The following RELN variants were observed in gnomAD, a reference collection of about 807,000 sequenced individuals.
The protein encoded by RELN is reelin.
A neutral mutation model predicts 427.6 loss-of-function variants in RELN; 108 were observed. The ratio of observed to expected loss-of-function variants is 0.25; its 90% confidence interval spans 0.22 to 0.30. The LOEUF is 0.30. Ranked by LOEUF, RELN falls within the 10% of genes least tolerant of loss-of-function variation. RELN has a pLI of 1.00. For synonymous variants in RELN, 1,524 were observed against 1,513.4 expected (o/e 1.01, Z -0.16); for missense variants, 3,715 against 4,302.8 (o/e 0.86, Z 3.82).
intron 3 of RELN, among the ~76,000 whole-genome samples, chr7:103,806,234 T>C (rs1584255357): frequency 6.6e-6 from 1 of 152,332 alleles, no homozygotes; most frequent in East Asian, 1.9e-4. Flanking sequence ...TTTATAATTA[T>C]TGGGGAGAGG....
chr7:103,551,377 G>A (rs1246060412), intron 40 of RELN, 81 bp from the exon 41 acceptor site: 4 of 1,003,938 alleles, frequency 4.0e-6, no homozygotes, highest in Non-Finnish European at 4.6e-6. Flanking sequence ...TTATTTTCTA[G>A]GGTCCATTTT....
chr7:103,677,000 G>A (rs573917256), intron 11 of RELN, among the ~76,000 whole-genome samples: 2 of 151,056 alleles, frequency 1.3e-5, no homozygotes, highest in East Asian at 4.0e-4. Flanking sequence ...TAACAAACCT[G>A]CATGTTGTGC....
chr7:103,474,107 A>G (rs1192884634), intron 64 of RELN, among the ~76,000 whole-genome samples: 1 of 152,202 alleles, frequency 6.6e-6, no homozygotes, highest in Non-Finnish European at 1.5e-5. Flanking sequence ...TATAATAGGT[A>G]TTATACTTAG....
At chr7:103,496,906 G>A (rs967134010) in intron 55 of RELN, 138 bp from the exon 56 acceptor site, 1 of 876,098 alleles carries the variant, frequency 1.1e-6, no homozygotes, top group Middle Eastern at 3.4e-4. Context: ...TCCTGACTTT[G>A]ATATTAGGTA....
chr7:103,676,278 C>T (rs1214719422), intron 11 of RELN, among the ~76,000 whole-genome samples: 1 of 152,156 alleles, frequency 6.6e-6, no homozygotes, highest in East Asian at 1.9e-4. Flanking sequence ...AGCCAACAGA[C>T]ACATGAAAAA....
In RELN at chr7:103,661,428, A is replaced by C. The variant is rs1448638087; in HGVS notation, c.1389T>G (p.Thr463=). Residue 463 remains threonine (T), a synonymous_variant, in exon 12 of 65, where the codon ACT becomes ACG. Coordinates refer to ENST00000428762, the MANE Select transcript of RELN (RefSeq NM_005045.4). ...FLKDGERKLC[T]PSMDTTGYGN... is the part of the protein sequence containing the mutation. Reference sequence around the variant, plus strand: ...CATAACCGGTAGTGTCCATGGATGGAGTGCATAATTTCCTCTCTCCATCTT... The same window carrying C: ...CATAACCGGTAGTGTCCATGGATGGCGTGCATAATTTCCTCTCTCCATCTT... 1.9e-6 allele frequency: 3 copies of C among 1,613,730 alleles called. No homozygotes were observed. The highest frequency in any genetic ancestry group is 2.5e-6 in the Non-Finnish European group (3 of 1,179,826).
rs569948513 is a variant in RELN, at chr7:103,730,565, C to T, written c.657-2358G>A. Among the ~76,000 whole-genome samples, 15 of 151,902 alleles carry T rather than the reference C, an allele frequency of 9.9e-5. No individual in the cohort carries two copies. In the East Asian group the frequency reaches 1.7e-3, roughly 18 times the overall value. On this transcript the variant is annotated intron_variant, in intron 6 of 64. Transcript: ENST00000428762. The stretch of plus-strand genomic sequence containing the variant: ...CCATTGAACTCAACAATCCACTAGA[C>T]GCTTCTCTTCTTCATTGTGCTTTAT...
chr7:103,744,338 A>T (rs1205609519), intron 6 of RELN, among the ~76,000 whole-genome samples: 1 of 151,956 alleles, frequency 6.6e-6, no homozygotes, highest in Non-Finnish European at 1.5e-5. Flanking sequence ...ACACCCTAAC[A>T]TCACAATTAA....
At chr7:103,742,088 C>T (rs1260335098) in intron 6 of RELN, among the ~76,000 whole-genome samples, 1 of 152,150 alleles carries the variant, frequency 6.6e-6, no homozygotes, top group Non-Finnish European at 1.5e-5. Flanking sequence ...AACGATCAGG[C>T]AGCAACATTT....
Position 103,521,033 on chromosome 7 carries a change from G to A in RELN, c.7668+989C>T, listed in dbSNP as rs1332511485. ...CGCCCAGGCGGGACTGCGGACTGCA[G>A]TGGCGCAATCTCGGCTCACTGCAAG... On this transcript the variant is annotated intron_variant, in intron 48 of 64. Transcript: ENST00000428762. Among the ~76,000 whole-genome samples, 11 of 128,786 alleles carry A rather than the reference G, an allele frequency of 8.5e-5. No homozygotes were observed. In the Admixed American group the frequency reaches 1.0e-3, roughly 12 times the overall value. The allele number at this position is 128,786 out of a possible 152,430, so 84.5% of individuals were successfully genotyped here. A position where few individuals can be genotyped will look rare whatever the true frequency, so the allele number is the denominator to read the frequency against.
chr7:103,724,055 T>G (rs1790142000), intron 7 of RELN, among the ~76,000 whole-genome samples: 1 of 152,198 alleles, frequency 6.6e-6, no homozygotes, highest in South Asian at 2.1e-4. Flanking sequence ...CTCATTTTGC[T>G]GGGTTCTGAA....
At chr7:103,513,420 A>G (rs1829478004) in intron 50 of RELN, 1 of 152,158 alleles carries the variant, frequency 6.6e-6, no homozygotes, top group Non-Finnish European at 1.5e-5. Flanking sequence ...GCAGTGTTTA[A>G]ATTATTCTCT....
intron 15 of RELN, among the ~76,000 whole-genome samples, chr7:103,651,433 A>G (rs1012648546): frequency 1.3e-5 from 2 of 152,130 alleles, no homozygotes; most frequent in African/African-American, 4.8e-5. Context: ...AGTCCAAAAT[A>G]TAAGTCAAGT....
chr7:103,724,125 A>G (rs554888494), intron 7 of RELN, among the ~76,000 whole-genome samples: 60 of 152,124 alleles, frequency 3.9e-4, no homozygotes, highest in African/African-American at 1.4e-3. Context: ...TAGAAAGTGG[A>G]TAAGTCTTCA....
At chr7:103,539,366 AGTTTT>A (rs954455398) in intron 44 of RELN, 39 bp from the exon 45 acceptor site, 1 of 1,596,522 alleles carries the variant, frequency 6.3e-7, no homozygotes. Context: ...TTTTCCATTT[AGTTTT>A]AAGAAATGGA....
chr7:103,631,362 C>T lies in RELN; in HGVS notation c.2466-1186G>A, dbSNP rs1011488816. ...AGGCTGGAGTGCAATGGCACAATCT[C>T]AGCTCACTGCAACCTCTGCCTCCCA... is the stretch of plus-strand genomic sequence containing the variant. On this transcript the variant is annotated intron_variant, in intron 19 of 64. Coordinates refer to ENST00000428762, the MANE Select transcript of RELN (RefSeq NM_005045.4). 5.5e-5 allele frequency among the ~76,000 whole-genome samples: 7 copies of T among 126,346 alleles called. 1 individual carries two copies. The Admixed American group carries it at 6.0e-4, about 11-fold the overall frequency. 82.9% of individuals were successfully genotyped at this position (126,346 alleles called of 152,430 possible). A position where few individuals can be genotyped will look rare whatever the true frequency, so the allele number is the denominator to read the frequency against.
At chr7:103,542,080 A>G (rs1830188209) in intron 43 of RELN, among the ~76,000 whole-genome samples, 4 of 152,190 alleles carry the variant, frequency 2.6e-5, no homozygotes, top group Admixed American at 2.6e-4. Flanking sequence ...TTCCTTGTTA[A>G]GTTTTCGGCC....
chr7:103,522,756 A>C (rs1048804119), intron 47 of RELN, among the ~76,000 whole-genome samples: 1 of 151,152 alleles, frequency 6.6e-6, no homozygotes, highest in Non-Finnish European at 1.5e-5. Flanking sequence ...TCATTAGCCA[A>C]AAAAAGACTT....
At chr7:103,832,700 A>G (rs1263287530) in intron 3 of RELN, among the ~76,000 whole-genome samples, 2 of 152,108 alleles carry the variant, frequency 1.3e-5, no homozygotes, top group African/African-American at 4.8e-5. Context: ...TTATCTAAGG[A>G]TGCTCTTGAG....
Sources: gnomAD v4.1 joint callset for allele counts (sites outside exome capture counted in the v4.1 genomes callset) on GRCh38, gnomAD v4.1.1 for gene constraint, MANE v1.5 for transcripts, NCBI Gene and HGNC (gene_info 2026-07-23, HGNC 2026-07-21) for gene names.